ERBB4: variants seen among roughly 807,000 people sequenced by gnomAD.
The protein encoded by ERBB4 is receptor tyrosine-protein kinase erbB-4.
Under a neutral mutation model 158.0 loss-of-function variants are expected in ERBB4, and 42 were observed. That is an observed-to-expected ratio of 0.27 (90% CI 0.21 to 0.34). ERBB4 has a LOEUF of 0.34. Ranked by LOEUF, ERBB4 falls within the 10% of genes least tolerant of loss-of-function variation. ERBB4 has a pLI of 1.00. For synonymous variants in ERBB4, 583 were observed against 558.7 expected (o/e 1.04, Z -0.61); for missense variants, 1,333 against 1,624.1 (o/e 0.82, Z 3.08).
chr2:212,201,838 G>A (rs756804562), intron 1 of ERBB4, among the ~76,000 whole-genome samples: 3 of 152,122 alleles, frequency 2.0e-5, no homozygotes, highest in Non-Finnish European at 4.4e-5. Flanking sequence ...TTGTGGAACT[G>A]CCATGACTAC....
intron 3 of ERBB4, among the ~76,000 whole-genome samples, chr2:211,806,210 C>T (rs1453627441): frequency 2.0e-5 from 3 of 151,958 alleles, no homozygotes; most frequent in African/African-American, 7.2e-5. Flanking sequence ...AAGAATAGGA[C>T]AGGGATATAA....
At chr2:212,167,900 G>T (rs534342641) in intron 1 of ERBB4, among the ~76,000 whole-genome samples, 2 of 152,024 alleles carry the variant, frequency 1.3e-5, no homozygotes, top group Admixed American at 1.3e-4. Context: ...GAAAACACAC[G>T]GACACAGGAA....
chr2:211,766,872 G>T (rs1040400394), intron 4 of ERBB4, among the ~76,000 whole-genome samples: 1 of 152,132 alleles, frequency 6.6e-6, no homozygotes, highest in African/African-American at 2.4e-5. Flanking sequence ...ACTTCTGATT[G>T]GTCTGCTCCT....
intron 4 of ERBB4, among the ~76,000 whole-genome samples, chr2:211,781,518 T>C (rs754210601): frequency 3.3e-5 from 5 of 152,158 alleles, no homozygotes; most frequent in African/African-American, 7.2e-5. Context: ...TTCTTCTCAG[T>C]GTCTTGATGA....
intron 2 of ERBB4, among the ~76,000 whole-genome samples, chr2:212,103,958 A>T (rs2079154702): frequency 6.6e-6 from 1 of 152,066 alleles, no homozygotes. Flanking sequence ...GTTTAAAGGT[A>T]AGTCATTGTT....
intron 3 of ERBB4, among the ~76,000 whole-genome samples, chr2:211,913,398 C>A (rs990439413): frequency 2.0e-5 from 3 of 151,870 alleles, no homozygotes; most frequent in Non-Finnish European, 4.4e-5. Flanking sequence ...GTCTGGAGTT[C>A]GAGATCAGCC....
intron 1 of ERBB4, among the ~76,000 whole-genome samples, chr2:212,250,432 C>G (rs1417498878): frequency 1.3e-5 from 2 of 151,890 alleles, no homozygotes; most frequent in African/African-American, 4.8e-5. Context: ...CTCTCAATGA[C>G]TTTTTATGGT....
intron 2 of ERBB4, among the ~76,000 whole-genome samples, chr2:212,023,482 T>C (rs190929548): frequency 1.7e-4 from 26 of 149,230 alleles, no homozygotes; most frequent in African/African-American, 6.1e-4. Context: ...GTTTGTTAAG[T>C]ATTAGATTAA....
intron 1 of ERBB4, among the ~76,000 whole-genome samples, chr2:212,449,804 T>C (rs2092419000): frequency 6.6e-6 from 1 of 152,076 alleles, no homozygotes; most frequent in African/African-American, 2.4e-5. Context: ...CACCCCCTAC[T>C]ATCACAAATT....
intron 2 of ERBB4, among the ~76,000 whole-genome samples, chr2:212,062,703 C>T (rs2077818438): frequency 6.6e-6 from 1 of 152,084 alleles, no homozygotes; most frequent in African/African-American, 2.4e-5. Context: ...CCGCTCCCAG[C>T]CCTCAATTCT....
chr2:211,641,016 A>C (rs2070564513), intron 16 of ERBB4, among the ~76,000 whole-genome samples: 1 of 152,130 alleles, frequency 6.6e-6, no homozygotes, highest in African/African-American at 2.4e-5. Flanking sequence ...GAAGTGCTAA[A>C]GGGTATCCAA....
chr2:211,992,563 GAGAGAAAA>G (rs2082101853), intron 2 of ERBB4, among the ~76,000 whole-genome samples: 2 of 67,268 alleles, frequency 3.0e-5, no homozygotes, highest in African/African-American at 6.4e-5. Context: ...GAGAGAGAGA[GAGAGAAAA>G]AAAAAAAAAA....
At chr2:212,331,104 C>A (rs1456876567) in intron 1 of ERBB4, among the ~76,000 whole-genome samples, 2 of 64,000 alleles carry the variant, frequency 3.1e-5, no homozygotes, top group Non-Finnish European at 8.7e-5. Flanking sequence ...AACACTTAAT[C>A]AGTATATGAG....
intron 1 of ERBB4, among the ~76,000 whole-genome samples, chr2:212,424,948 T>G (rs2091874807): frequency 6.6e-6 from 1 of 152,024 alleles, no homozygotes; most frequent in Non-Finnish European, 1.5e-5. Context: ...TAGTTATACA[T>G]AAAGAAAAAT....
chr2:211,735,658 A>T (rs369809499), intron 5 of ERBB4, among the ~76,000 whole-genome samples: 3 of 152,290 alleles, frequency 2.0e-5, no homozygotes, highest in African/African-American at 7.2e-5. Flanking sequence ...GAGAGGGCCA[A>T]CAATGAAAAC....
rs79536412 is a variant in ERBB4, at chr2:211,514,636, A to G, written c.2487+47267T>C. ...TACTATAAAAGATGAAGGTGCAAAA[A>G]TATATATTATTTTTACCTCCAATCA... On this transcript the variant is annotated intron_variant, in intron 20 of 27. Coordinates refer to ENST00000342788, the MANE Select transcript of ERBB4 (RefSeq NM_005235.3). 4.0e-3 allele frequency among the ~76,000 whole-genome samples: 612 copies of G among 152,232 alleles called. 6 individuals carry two copies. The highest frequency in any genetic ancestry group is 0.014 in the African/African-American group (579 of 41,546).
chr2:212,188,174 A>C (rs1270200446), intron 1 of ERBB4, among the ~76,000 whole-genome samples: 1 of 89,484 alleles, frequency 1.1e-5, no homozygotes, highest in Non-Finnish European at 2.4e-5. Flanking sequence ...CTCCCTTATA[A>C]TACCTTCAGG....
At chr2:212,228,462 C>T (rs2083550688) in intron 1 of ERBB4, among the ~76,000 whole-genome samples, 1 of 152,002 alleles carries the variant, frequency 6.6e-6, no homozygotes, top group African/African-American at 2.4e-5. Context: ...CACATATTTC[C>T]AATAGAATTA....
intron 2 of ERBB4, among the ~76,000 whole-genome samples, chr2:212,121,874 G>A (rs2079761167): frequency 6.6e-6 from 1 of 151,928 alleles, no homozygotes; most frequent in Non-Finnish European, 1.5e-5. Flanking sequence ...CTCACCTCTT[G>A]AGTTTCTGTT....
Sources: allele counts gnomAD v4.1 joint callset (sites outside exome capture counted in the v4.1 genomes callset), GRCh38; gene constraint gnomAD v4.1.1; transcripts MANE v1.5; gene names NCBI Gene and HGNC (gene_info 2026-07-23, HGNC 2026-07-21).